DNER: variants seen among roughly 807,000 people sequenced by gnomAD.
The protein encoded by DNER is delta and Notch-like epidermal growth factor-related receptor.
In DNER, 33 loss-of-function variants were observed where a neutral mutation model predicts 78.2. The observed-to-expected ratio is 0.42, with a 90% CI of 0.32 to 0.56. The LOEUF is 0.56. Ranked by LOEUF, DNER falls within the 20% of genes least tolerant of loss-of-function variation. DNER has a pLI of 0.11. For synonymous variants in DNER, 417 were observed against 384.8 expected (o/e 1.08, Z -0.98); for missense variants, 918 against 975.3 (o/e 0.94, Z 0.78).
chr2:229,675,028 A>C (rs1316776404), intron 1 of DNER, among the ~76,000 whole-genome samples: 1 of 152,228 alleles, frequency 6.6e-6, no homozygotes, highest in Non-Finnish European at 1.5e-5. Context: ...GAAGGTGGCC[A>C]TCCTGTTACA....
chr2:229,680,352 G>A (rs907673122), intron 1 of DNER, among the ~76,000 whole-genome samples: 5 of 152,152 alleles, frequency 3.3e-5, no homozygotes, highest in Non-Finnish European at 7.4e-5. Context: ...ATTCTTTGGG[G>A]CTCCCATTGG....
intron 5 of DNER, among the ~76,000 whole-genome samples, chr2:229,545,886 A>G (rs1011063860): frequency 6.6e-6 from 1 of 152,182 alleles, no homozygotes; most frequent in Non-Finnish European, 1.5e-5. Flanking sequence ...CTCTATTATC[A>G]TAGCCAGGGA....
intron 1 of DNER, among the ~76,000 whole-genome samples, chr2:229,624,496 T>A (rs1244962978): frequency 6.6e-6 from 1 of 151,076 alleles, no homozygotes; most frequent in African/African-American, 2.4e-5. Context: ...TATAATAAAC[T>A]AAAAAAAAAA....
At chr2:229,533,021 G>T (rs1696335033) in intron 5 of DNER, among the ~76,000 whole-genome samples, 1 of 152,164 alleles carries the variant, frequency 6.6e-6, no homozygotes, top group Admixed American at 6.5e-5. Context: ...GCTTTTAGTA[G>T]ATTGACCCAG....
intron 1 of DNER, among the ~76,000 whole-genome samples, chr2:229,654,520 G>C (rs1423999912): frequency 2.0e-5 from 3 of 152,102 alleles, no homozygotes; most frequent in African/African-American, 7.2e-5. Flanking sequence ...AATACCTAAA[G>C]GGAAAAATAG....
chr2:229,564,923 T>G (rs1013074215), intron 4 of DNER, among the ~76,000 whole-genome samples: 1 of 152,144 alleles, frequency 6.6e-6, no homozygotes, highest in African/African-American at 2.4e-5. Flanking sequence ...CGTTCCTGGC[T>G]CACAGATGGT....
At chr2:229,586,056 C>T (rs1414546841) in intron 3 of DNER, 32 bp from the exon 4 acceptor site, 2 of 1,568,778 alleles carry the variant, frequency 1.3e-6, no homozygotes, top group Non-Finnish European at 1.7e-6. Context: ...ACAGAAAGCT[C>T]CTTTCAGAAA....
chr2:229,559,988 A>G lies in DNER; in HGVS notation c.848-12896T>C, dbSNP rs917581931. On this transcript the variant is annotated intron_variant, in intron 4 of 12. Transcript: ENST00000341772. ...GCCCTTTTAAAACCAAGACTTTGCC[A>G]AGCTCACCTCCCTTGGTGCAAATGC... Among the ~76,000 whole-genome samples the G allele has an allele frequency of 5.3e-5, 8 of 152,208 alleles. No individual in the cohort carries two copies. In the South Asian group the frequency reaches 1.7e-3, roughly 31 times the overall value.
At position 229,675,747 on chromosome 2, in the gene DNER, C is replaced by T. The variant is rs75197587; in HGVS notation, c.276+38401G>A. The stretch of plus-strand genomic sequence containing the variant: ...TCTACTCATTACTCTTTTATAGCAT[C>T]GATCAGTCTTTGCTGGGGGGTGGAA... On this transcript the variant is annotated intron_variant, in intron 1 of 12. Coordinates refer to ENST00000341772, the MANE Select transcript of DNER (RefSeq NM_139072.4). Among the ~76,000 whole-genome samples the T allele has an allele frequency of 9.6e-3, 1,463 of 152,290 alleles. 16 individuals carry two copies. The highest frequency in any genetic ancestry group is 0.058 in the Middle Eastern group (17 of 294).
intron 6 of DNER, among the ~76,000 whole-genome samples, chr2:229,511,726 A>G (rs1218665375): frequency 6.6e-6 from 1 of 152,226 alleles, no homozygotes; most frequent in African/African-American, 2.4e-5. Context: ...CACTCAGTAC[A>G]TACTTGTGGA....
intron 1 of DNER, among the ~76,000 whole-genome samples, chr2:229,706,266 T>C (rs751715880): frequency 2.6e-5 from 4 of 152,134 alleles, no homozygotes; most frequent in Non-Finnish European, 4.4e-5. Context: ...ATAAGTATTT[T>C]TGGGCCGGAC....
chr2:229,549,273 G>A (rs1000505157), intron 4 of DNER, among the ~76,000 whole-genome samples: 1 of 152,018 alleles, frequency 6.6e-6, no homozygotes, highest in Non-Finnish European at 1.5e-5. Flanking sequence ...ACACTTATTC[G>A]ATCTTGTGTA....
At chr2:229,672,213 G>A (rs1037032722) in intron 1 of DNER, among the ~76,000 whole-genome samples, 7 of 152,142 alleles carry the variant, frequency 4.6e-5, no homozygotes, top group East Asian at 1.9e-4. Context: ...GGAATCAGAC[G>A]CAGGCTCACC....
Position 229,604,463 on chromosome 2 carries a change from G to C in DNER, c.277-12575C>G, listed in dbSNP as rs1016365669. ...TGTATCTGTTAGGCTCGGTGGCCTG[G>C]GATCCTTAAGAGAAGTTGGAGAGAG... On this transcript the variant is annotated intron_variant, in intron 1 of 12. Coordinates refer to ENST00000341772, the MANE Select transcript of DNER (RefSeq NM_139072.4). 4.6e-5 allele frequency among the ~76,000 whole-genome samples: 7 copies of C among 152,166 alleles called. No homozygotes were observed. The East Asian group carries it at 1.2e-3, about 25-fold the overall frequency.
At chr2:229,381,065 G>A (rs531051990) in intron 11 of DNER, among the ~76,000 whole-genome samples, 1 of 152,330 alleles carries the variant, frequency 6.6e-6, no homozygotes, top group South Asian at 2.1e-4. Flanking sequence ...ATTTCCAACT[G>A]AGGTAGCTGG....
Position 229,408,154 on chromosome 2 carries a change from T to A in DNER, c.1610-809A>T, listed in dbSNP as rs181037199. Among the ~76,000 whole-genome samples, 491 of 149,808 alleles carry A rather than the reference T, an allele frequency of 3.3e-3. 3 individuals carry two copies. The highest frequency in any genetic ancestry group is 4.7e-3 in the Admixed American group (70 of 15,018). On this transcript the variant is annotated intron_variant, in intron 9 of 12. Coordinates refer to ENST00000341772, the MANE Select transcript of DNER (RefSeq NM_139072.4). Reference sequence around the variant, plus strand: ...CAGACAGCTTCTCATTTACTTTTTTTAAAAAAAAAAGACTGTGTGTGCATG... The same window carrying A: ...CAGACAGCTTCTCATTTACTTTTTTAAAAAAAAAAAGACTGTGTGTGCATG...
chr2:229,556,165 G>T (rs1313703059), intron 4 of DNER, among the ~76,000 whole-genome samples: 1 of 152,186 alleles, frequency 6.6e-6, no homozygotes, highest in Non-Finnish European at 1.5e-5. Context: ...TAGTTTTCTA[G>T]ATAATTTGCT....
intron 6 of DNER, among the ~76,000 whole-genome samples, chr2:229,482,147 T>A (rs1031393962): frequency 1.3e-5 from 2 of 152,222 alleles, no homozygotes; most frequent in Non-Finnish European, 1.5e-5. Context: ...CTAGTGGTAC[T>A]CCCTCTAAGC....
chr2:229,408,084 G>A (rs763212987), intron 9 of DNER, among the ~76,000 whole-genome samples: 8 of 151,876 alleles, frequency 5.3e-5, no homozygotes, highest in African/African-American at 9.7e-5. Flanking sequence ...CTCAGCACTC[G>A]TTTAACAAAG....
Sources: gnomAD v4.1 joint callset for allele counts (sites outside exome capture counted in the v4.1 genomes callset) on GRCh38, gnomAD v4.1.1 for gene constraint, MANE v1.5 for transcripts, NCBI Gene and HGNC (gene_info 2026-07-23, HGNC 2026-07-21) for gene names.